The following VIRMA variants were observed in gnomAD, a reference collection of about 807,000 sequenced individuals.
VIRMA encodes protein virilizer homolog.
A neutral mutation model predicts 182.4 loss-of-function variants in VIRMA; 65 were observed. The observed-to-expected ratio is 0.36, with a 90% CI of 0.29 to 0.44. The LOEUF (loss-of-function observed/expected upper bound fraction) is 0.44. VIRMA is among the 20% of genes least tolerant of loss of function. The pLI is 1.00. For missense variants in VIRMA, 1,752 were observed against 2,158.1 expected (o/e 0.81, Z 3.73); for synonymous variants, 709 against 743.1 (o/e 0.95, Z 0.75).
intron 19 of VIRMA, 28 bp downstream of exon 19, chr8:94,495,703 T>C (rs1256310179): frequency 2.5e-6 from 4 of 1,598,458 alleles, no homozygotes; most frequent in African/African-American, 1.3e-5. Context: ...CCAACAGCTA[T>C]TCAATCATAA....
At chr8:94,544,808 T>C (rs1177405507) in intron 1 of VIRMA, among the ~76,000 whole-genome samples, 1 of 152,082 alleles carries the variant, frequency 6.6e-6, no homozygotes, top group East Asian at 1.9e-4. Context: ...GAATTATAGA[T>C]AAGAAACTGC....
chr8:94,500,655 C>CT (rs11312961), intron 16 of VIRMA, among the ~76,000 whole-genome samples: 6,289 of 126,680 alleles, frequency 0.05, 203 homozygotes, highest in Non-Finnish European at 0.057. Context: ...TCGGTAGTTT[C>CT]TTTTTTTTTT....
intron 11 of VIRMA, among the ~76,000 whole-genome samples, chr8:94,513,684 T>A (rs1586082332): frequency 6.6e-6 from 1 of 152,152 alleles, no homozygotes; most frequent in African/African-American, 2.4e-5. Flanking sequence ...TCTTACTGAT[T>A]AAATAATTTT....
chr8:94,499,278 G>C (rs1225443952), intron 17 of VIRMA, 96 bp downstream of exon 17: 2 of 853,608 alleles, frequency 2.3e-6, no homozygotes, highest in African/African-American at 3.5e-5. Flanking sequence ...TGAGATTACA[G>C]ATGTGAGCCA....
intron 1 of VIRMA, among the ~76,000 whole-genome samples, chr8:94,546,092 G>C (rs1815751780): frequency 6.7e-6 from 1 of 148,684 alleles, no homozygotes; most frequent in African/African-American, 2.6e-5. Context: ...TGCAAACATA[G>C]TTCATCATAG....
At chr8:94,493,284 A>T (rs1813664597) in intron 20 of VIRMA, among the ~76,000 whole-genome samples, 1 of 152,204 alleles carries the variant, frequency 6.6e-6, no homozygotes, top group Non-Finnish European at 1.5e-5. Context: ...GGAAATCAAC[A>T]TTCAGTTTAC....
At chr8:94,520,741 AG>A (rs147928637) in intron 8 of VIRMA, among the ~76,000 whole-genome samples, 2,086 of 152,314 alleles carry the variant, frequency 0.014, 30 homozygotes, top group South Asian at 0.074. Flanking sequence ...TTGGAATCCA[AG>A]GGAGGTCTGA....
At chr8:94,490,708 G>A (rs1025531682) in intron 22 of VIRMA, among the ~76,000 whole-genome samples, 2 of 151,954 alleles carry the variant, frequency 1.3e-5, no homozygotes. Flanking sequence ...TTAGCCGGGT[G>A]TGGTGGCGCA....
chr8:94,488,671 G>A lies in VIRMA; in HGVS notation c.*35C>T. The A allele has an allele frequency of 3.1e-6, 5 of 1,606,472 alleles. No homozygotes were observed. The highest frequency in any genetic ancestry group is 1.7e-4 in the Middle Eastern group (1 of 6,036). Reference sequence around the variant, plus strand: ...CTTATTTTTATTGTCCTCGTGAAATGTTCATATACAGTTAAGATGTTCCCA... The same window carrying A: ...CTTATTTTTATTGTCCTCGTGAAATATTCATATACAGTTAAGATGTTCCCA... On this transcript the variant is annotated 3_prime_UTR_variant, in exon 24 of 24. Transcript: ENST00000297591.
intron 7 of VIRMA, 114 bp downstream of exon 7, chr8:94,528,956 C>A (rs754103037): frequency 1.5e-6 from 2 of 1,334,292 alleles, no homozygotes; most frequent in Non-Finnish European, 2.1e-6. Flanking sequence ...ACATTCTGAC[C>A]CTGGGTTTCT....
Position 94,513,428 on chromosome 8 carries a change from A to G in VIRMA, c.2752-1339T>C, listed in dbSNP as rs1163033515. On this transcript the variant is annotated intron_variant, in intron 11 of 23. Coordinates refer to ENST00000297591, the MANE Select transcript of VIRMA (RefSeq NM_015496.5). ...TAGCTCATAGTAGAGTCTAGACCAA[A>G]AAAAAAAAAAAAAAAAAGTTACTAC... 1.5e-4 allele frequency among the ~76,000 whole-genome samples: 20 copies of G among 133,528 alleles called. No individual in the cohort carries two copies. In the South Asian group the frequency reaches 4.2e-3, roughly 28 times the overall value. The allele number at this position is 133,528 out of a possible 152,430, so 87.6% of individuals were successfully genotyped here. A position where few individuals can be genotyped will look rare whatever the true frequency, so the allele number is the denominator to read the frequency against.
At chr8:94,524,935 T>C (rs7817812) in intron 8 of VIRMA, among the ~76,000 whole-genome samples, 3,926 of 152,290 alleles carry the variant, frequency 0.026, 178 homozygotes, top group African/African-American at 0.09. Flanking sequence ...TCTCATTTTG[T>C]CTTTCTATTC....
chr8:94,537,270 C>G, intron 3 of VIRMA, 119 bp from the exon 4 acceptor site: 1 of 707,728 alleles, frequency 1.4e-6, no homozygotes. Flanking sequence ...TGTTTTGATT[C>G]AATAAACCAC....
intron 15 of VIRMA, among the ~76,000 whole-genome samples, chr8:94,508,457 A>C (rs1206844343): frequency 6.6e-6 from 1 of 152,098 alleles, no homozygotes; most frequent in African/African-American, 2.4e-5. Flanking sequence ...TATACTGCAA[A>C]CTCGTATTCA....
At chr8:94,517,734 A>C in intron 10 of VIRMA, 54 bp downstream of exon 10, 1 of 1,292,650 alleles carries the variant, frequency 7.7e-7, no homozygotes, top group Non-Finnish European at 1.1e-6. Context: ...CAGATATTCA[A>C]AGGTTTGTTC....
chr8:94,500,651 GTTTC>G (rs1813937551), intron 16 of VIRMA, among the ~76,000 whole-genome samples: 1 of 126,244 alleles, frequency 7.9e-6, no homozygotes, highest in Admixed American at 8.6e-5. Flanking sequence ...CAGTTCGGTA[GTTTC>G]TTTTTTTTTT....
At chr8:94,512,274 T>C in intron 11 of VIRMA, 185 bp from the exon 12 acceptor site, 1 of 295,712 alleles carries the variant, frequency 3.4e-6, no homozygotes, top group Non-Finnish European at 6.1e-6. Context: ...TCAAGATTAT[T>C]TGATCTCTGG....
chr8:94,494,802 A>G, intron 20 of VIRMA, 58 bp downstream of exon 20: 1 of 1,024,146 alleles, frequency 9.8e-7, no homozygotes, highest in Non-Finnish European at 1.5e-6. Flanking sequence ...TGCTAACAAT[A>G]TATAAAGAAA....
intron 16 of VIRMA, among the ~76,000 whole-genome samples, chr8:94,501,039 T>A (rs750180126): frequency 2.0e-5 from 3 of 149,122 alleles, no homozygotes; most frequent in East Asian, 2.0e-4. Context: ...AAGTCAGGAG[T>A]TCGAGACCAG....
Sources: gnomAD v4.1 joint callset for allele counts (sites outside exome capture counted in the v4.1 genomes callset) on GRCh38, gnomAD v4.1.1 for gene constraint, MANE v1.5 for transcripts, NCBI Gene and HGNC (gene_info 2026-07-23, HGNC 2026-07-21) for gene names.